SP3: variants seen among roughly 807,000 people sequenced by gnomAD.
SP3 encodes Sp3 transcription factor.
A neutral mutation model predicts 70.3 loss-of-function variants in SP3; 10 were observed. The ratio of observed to expected loss-of-function variants is 0.14; its 90% CI spans 0.09 to 0.24. SP3 has a LOEUF of 0.24. Ranked by LOEUF, SP3 falls within the 10% of genes least tolerant of loss-of-function variation. SP3 has a pLI of 1.00. For missense variants in SP3, 825 were observed against 914.6 expected, an observed-to-expected ratio of 0.90 and a Z score of 1.26; for synonymous variants, 402 against 333.5, an observed-to-expected ratio of 1.21 and a Z score of -2.24.
At chr2:173,962,345 C>T (rs1027859807) in intron 3 of SP3, among the ~76,000 whole-genome samples, 1 of 152,122 alleles carries the variant, frequency 6.6e-6, no homozygotes, top group Non-Finnish European at 1.5e-5. Context: ...AAGCAATCTG[C>T]TTTTTAATTT....
chr2:173,937,089 T>C (rs1443956742), intron 4 of SP3, among the ~76,000 whole-genome samples: 1 of 152,206 alleles, frequency 6.6e-6, no homozygotes, highest in Non-Finnish European at 1.5e-5. Flanking sequence ...AATGAACACA[T>C]ACATACTTCT....
At chr2:173,950,288 A>ACC (rs1361857523) in intron 4 of SP3, among the ~76,000 whole-genome samples, 1 of 152,078 alleles carries the variant, frequency 6.6e-6, no homozygotes, top group Non-Finnish European at 1.5e-5. Context: ...TAACAAAAAC[A>ACC]AACAAAAAGG....
At chr2:173,924,070 C>A (rs932650686) in intron 4 of SP3, among the ~76,000 whole-genome samples, 8 of 151,704 alleles carry the variant, frequency 5.3e-5, no homozygotes, top group African/African-American at 1.9e-4. Flanking sequence ...AAATGTTATC[C>A]CCTTACCAAA....
At chr2:173,933,016 G>T (rs996932949) in intron 4 of SP3, among the ~76,000 whole-genome samples, 5 of 151,954 alleles carry the variant, frequency 3.3e-5, no homozygotes, top group African/African-American at 1.2e-4. Flanking sequence ...AAATAATAAT[G>T]AAAAGGTTTG....
intron 4 of SP3, among the ~76,000 whole-genome samples, chr2:173,927,991 G>GT (rs1387947927): frequency 6.6e-6 from 1 of 152,082 alleles, no homozygotes; most frequent in Non-Finnish European, 1.5e-5. Flanking sequence ...CATAATTATA[G>GT]TTTTTTATTT....
rs1217939530 is a variant in SP3 at position 173,906,138 on chromosome 2, C to T, written c.*3803G>A. ...GCAGCCCCTCTTAAAAATTTTTCCA[C>T]TCTGTCCCTCACAAAGTCCCCCATC... On this transcript the variant is annotated 3_prime_UTR_variant, in exon 7 of 7. Transcript: ENST00000310015. 2.0e-5 allele frequency among the ~76,000 whole-genome samples: 3 copies of T among 151,976 alleles called. No individual in the cohort carries two copies. The South Asian group carries it at 6.2e-4, about 31-fold the overall frequency.
At chr2:173,926,001 C>T (rs73028237) in intron 4 of SP3, among the ~76,000 whole-genome samples, 6,237 of 152,264 alleles carry the variant, frequency 0.041, 198 homozygotes, top group Admixed American at 0.1. Context: ...GTACTAAATG[C>T]TCATCTTAAA....
chr2:173,944,899 T>G (rs1181222334), intron 4 of SP3, among the ~76,000 whole-genome samples: 4 of 152,182 alleles, frequency 2.6e-5, no homozygotes, highest in Admixed American at 2.6e-4. Flanking sequence ...GCTGGATCAC[T>G]TGAAGCTAGG....
At position 173,906,180 on chromosome 2, in the gene SP3, T is replaced by C. The variant is rs957919400; in HGVS notation, c.*3761A>G. Among the ~76,000 whole-genome samples, 5 of 152,300 alleles carry C rather than the reference T, an allele frequency of 3.3e-5. No individual in the cohort carries two copies. Among genetic ancestry groups the C allele is most frequent in the African/African-American group, 1.2e-4 (5 of 41,572 alleles). On this transcript the variant is annotated 3_prime_UTR_variant, in exon 7 of 7. Transcript: ENST00000310015. ...TCCCCCATCACCCAACATACCACAC[T>C]GTACCTTTGCAAACGCCATTTCTGC...
intron 3 of SP3, among the ~76,000 whole-genome samples, chr2:173,962,767 C>G (rs1434047457): frequency 2.0e-5 from 3 of 152,038 alleles, no homozygotes; most frequent in Non-Finnish European, 2.9e-5. Context: ...TGATCCACCA[C>G]ACACACACAC....
chr2:173,955,628 T>C lies in SP3; in HGVS notation c.884A>G (p.His295Arg), dbSNP rs766845946. 8.3e-5 allele frequency: 134 copies of C among 1,614,096 alleles called. No individual in the cohort carries two copies. The highest frequency in any genetic ancestry group is 1.1e-4 in the Non-Finnish European group (125 of 1,180,044). Residue 295 changes from histidine (H) to arginine (R), a missense_variant, in exon 4 of 7, where the codon CAT becomes CGT. Transcript: ENST00000310015. ...TMTAGINADG[H>R]LINTGQAMDS... ...CATAGCTTGTCCTGTGTTTATCAAA[T>C]GTCCGTCGGCATTAATGCCTGCAGT...
chr2:173,964,480 GCCGCCGCCA>G lies in SP3; in HGVS notation c.72_80del (p.Gly27_Gly29del), dbSNP rs753846956. The G allele has an allele frequency of 1.0e-5, 7 of 693,310 alleles. No individual in the cohort carries two copies. Among genetic ancestry groups the G allele is most frequent in the East Asian group, 5.8e-5 (2 of 34,494 alleles). The allele number at this position is 693,310 out of a possible 1,614,324, so 42.9% of individuals were successfully genotyped here. ...GCTGCAGATACTCGCCGTGGCCGCCGCCGCCGCCACCGCCGCCGCCGCTATCCACGTCCA... is the reference window on the plus strand; with the variant it reads ...GCTGCAGATACTCGCCGTGGCCGCCGCCGCCGCCGCCGCTATCCACGTCCA... On this transcript the variant is annotated inframe_deletion, in exon 2 of 7. Transcript: ENST00000310015.
intron 4 of SP3, among the ~76,000 whole-genome samples, chr2:173,920,999 G>A (rs1186058511): frequency 6.6e-6 from 1 of 152,002 alleles, no homozygotes; most frequent in Non-Finnish European, 1.5e-5. Context: ...GAGATTTCAG[G>A]GTTGCTGGTA....
chr2:173,921,530 A>AAAACAAACAAAC (rs57470941), intron 4 of SP3, among the ~76,000 whole-genome samples: 1 of 149,944 alleles, frequency 6.7e-6, no homozygotes, highest in Non-Finnish European at 1.5e-5. Context: ...TCACTATCCA[A>AAAACAAACAAAC]AAACAAACAA....
intron 4 of SP3, among the ~76,000 whole-genome samples, chr2:173,941,634 T>A (rs1690376305): frequency 6.6e-6 from 1 of 152,114 alleles, no homozygotes; most frequent in East Asian, 1.9e-4. Context: ...CATTCCCTCC[T>A]CCTTTCTTAA....
At chr2:173,942,791 T>C (rs1255017303) in intron 4 of SP3, among the ~76,000 whole-genome samples, 1 of 152,188 alleles carries the variant, frequency 6.6e-6, no homozygotes, top group East Asian at 1.9e-4. Flanking sequence ...ACTATCATCT[T>C]TTGCTTGTAC....
chr2:173,965,477 C>G (rs928270112), upstream of SP3: 3 of 344,604 alleles, frequency 8.7e-6, no homozygotes, highest in African/African-American at 6.5e-5. Flanking sequence ...GTCTGCCAGG[C>G]GGCGCGCTTC....
chr2:173,940,673 C>A (rs1368348584), intron 4 of SP3, among the ~76,000 whole-genome samples: 1 of 152,196 alleles, frequency 6.6e-6, no homozygotes, highest in African/African-American at 2.4e-5. Flanking sequence ...AGAAAAAACA[C>A]AACTGTGCTA....
At chr2:173,957,489 AC>A (rs1166351409) in intron 3 of SP3, among the ~76,000 whole-genome samples, 2 of 152,184 alleles carry the variant, frequency 1.3e-5, no homozygotes, top group Non-Finnish European at 2.9e-5. Context: ...AAGCATAGAA[AC>A]AATAAAATCA....
Sources: allele counts gnomAD v4.1 joint callset (sites outside exome capture counted in the v4.1 genomes callset), GRCh38; gene constraint gnomAD v4.1.1; transcripts MANE v1.5; gene names NCBI Gene and HGNC (gene_info 2026-07-23, HGNC 2026-07-21).